The following STXBP5 variants were observed in gnomAD, a reference collection of about 807,000 sequenced individuals.
STXBP5 encodes the protein syntaxin-binding protein 5.
In STXBP5, 50 loss-of-function variants were observed where a neutral mutation model predicts 152.4. That is an observed-to-expected ratio of 0.33 (90% CI 0.26 to 0.42). The LOEUF (loss-of-function observed/expected upper bound fraction) is 0.42, where lower values mean the gene tolerates loss of function less well. STXBP5 is among the 10% of genes least tolerant of loss of function. The pLI, the probability that STXBP5 is intolerant of heterozygous loss-of-function variation, is 1.00. For missense variants in STXBP5, 1,167 were observed against 1,388.6 expected (o/e 0.84, Z 2.54); for synonymous variants, 492 against 494.7 (o/e 0.99, Z 0.07).
intron 7 of STXBP5, among the ~76,000 whole-genome samples, chr6:147,276,039 T>C (rs949433127): frequency 2.0e-5 from 3 of 152,190 alleles, no homozygotes; most frequent in Admixed American, 6.5e-5. Context: ...ATTTTGAGCA[T>C]GTGTCAGATT....
At chr6:147,301,427 C>CT (rs1781808732) in intron 9 of STXBP5, among the ~76,000 whole-genome samples, 1 of 152,154 alleles carries the variant, frequency 6.6e-6, no homozygotes, top group Admixed American at 6.5e-5. Context: ...GTAATTTCAT[C>CT]TAATGAGTAA....
rs544111407 is a variant in STXBP5, at chr6:147,224,719, CAG to C, written c.249-10530_249-10529del. 5.9e-5 allele frequency among the ~76,000 whole-genome samples: 9 copies of C among 152,258 alleles called. No homozygotes were observed. The South Asian group carries it at 1.9e-3, about 32-fold the overall frequency. On this transcript the variant is annotated intron_variant, in intron 2 of 27. Transcript: ENST00000321680. ...ATTGACTTTCATTTATCCCCCATAA[CAG>C]TGTGGATGAAGAAATCAAAGGTTTC...
intron 18 of STXBP5, among the ~76,000 whole-genome samples, chr6:147,331,134 A>G (rs180930646): frequency 1.5e-4 from 23 of 152,292 alleles, no homozygotes; most frequent in Admixed American, 1.2e-3. Flanking sequence ...ACATAGGATT[A>G]TGTTTTGTTG....
At chr6:147,218,036 T>C (rs1053606964) in intron 2 of STXBP5, among the ~76,000 whole-genome samples, 1 of 152,190 alleles carries the variant, frequency 6.6e-6, no homozygotes, top group Admixed American at 6.5e-5. Flanking sequence ...TTAATATATT[T>C]TCTAAATAGA....
rs1010729145 is a variant in STXBP5, at chr6:147,316,229, A to G, written c.1624A>G (p.Met542Val). 20 of 1,613,688 alleles carry G rather than the reference A, an allele frequency of 1.2e-5. No homozygotes were observed. Among genetic ancestry groups the G allele is most frequent in the Non-Finnish European group, 1.7e-5 (20 of 1,179,828 alleles). The stretch of plus-strand genomic sequence containing the variant: ...GTAAACTACCTTACTTTTACAACAG[A>G]TGCTTGAAGTTCGATTATTATATGA... ...KQEVITEVIP[M>V]LEVRLLYEIN... The change falls in exon 16 of 28, where the codon ATG (methionine) becomes GTG (valine). Residue 542 changes from methionine to valine, a missense_variant and splice_region_variant. This residue lies in a region of STXBP5 where 833 missense variants were observed against 986.3 expected (regional missense o/e 0.84). Transcript: ENST00000321680.
At chr6:147,301,785 T>A (rs1258711208) in intron 9 of STXBP5, among the ~76,000 whole-genome samples, 2 of 152,212 alleles carry the variant, frequency 1.3e-5, no homozygotes, top group African/African-American at 4.8e-5. Context: ...AATAAACTAG[T>A]GGATAATTCT....
chr6:147,342,195 T>C (rs577442733), intron 21 of STXBP5, among the ~76,000 whole-genome samples: 2 of 152,194 alleles, frequency 1.3e-5, no homozygotes, highest in African/African-American at 4.8e-5. Context: ...AAGTTCTGTG[T>C]TAGAGCCAGA....
chr6:147,351,862 CTT>C lies in STXBP5; in HGVS notation c.2255-1459_2255-1458del, dbSNP rs1027549532. ...GGAAGTCATGTATGACTGGATTTCT[CTT>C]TGTTTACATGGCGCCCTTATGGACT... On this transcript the variant is annotated intron_variant, in intron 21 of 27. Transcript: ENST00000321680. 2.2e-4 allele frequency: 216 copies of C among 985,384 alleles called. 1 individual carries two copies. The highest frequency in any genetic ancestry group is 5.5e-4 in the Admixed American group (9 of 16,276). 61.0% of individuals were successfully genotyped at this position (985,384 alleles called of 1,614,324 possible).
intron 26 of STXBP5, among the ~76,000 whole-genome samples, chr6:147,376,273 G>A (rs1312633041): frequency 6.6e-6 from 1 of 152,150 alleles, no homozygotes; most frequent in Non-Finnish European, 1.5e-5. Context: ...GTATTCATTG[G>A]CATTGATAAG....
intron 4 of STXBP5, among the ~76,000 whole-genome samples, chr6:147,251,098 C>A (rs1235867093): frequency 6.6e-6 from 1 of 152,014 alleles, no homozygotes; most frequent in African/African-American, 2.4e-5. Flanking sequence ...CAGCTCATCT[C>A]ATTGGGATTG....
At chr6:147,302,120 T>C (rs920908471) in intron 9 of STXBP5, among the ~76,000 whole-genome samples, 3 of 152,218 alleles carry the variant, frequency 2.0e-5, no homozygotes, top group Non-Finnish European at 4.4e-5. Context: ...TCCCTATATT[T>C]GTTTTTTAAT....
chr6:147,365,994 T>C (rs941587390), intron 25 of STXBP5, among the ~76,000 whole-genome samples: 1 of 152,128 alleles, frequency 6.6e-6, no homozygotes, highest in Non-Finnish European at 1.5e-5. Context: ...AGGAAAGTAA[T>C]TTCTGACAGA....
chr6:147,339,380 T>C lies in STXBP5; in HGVS notation c.2250T>C (p.Asp750=). The C allele has an allele frequency of 1.3e-6, 2 of 1,494,140 alleles. No homozygotes were observed. The highest frequency in any genetic ancestry group is 2.0e-4 in the Middle Eastern group (1 of 5,018). The allele number at this position is 1,494,140 out of a possible 1,614,324, so 92.6% of individuals were successfully genotyped here. ...SRKFSKMVAN[D]IAKMSRKLSL... is the part of the protein sequence containing the mutation. ...AGTTTTCCAAGATGGTAGCCAATGATATAGGTAGGAAATAGAAATTTCTAT... is the reference window on the plus strand; with the variant it reads ...AGTTTTCCAAGATGGTAGCCAATGACATAGGTAGGAAATAGAAATTTCTAT... The change falls in exon 21 of 28, where the codon GAT becomes GAC. Residue 750 remains aspartate (D), a synonymous_variant. Transcript: ENST00000321680.
chr6:147,353,263 G>A, intron 21 of STXBP5, 60 bp from the exon 22 acceptor site: 1 of 1,059,726 alleles, frequency 9.4e-7, no homozygotes, highest in Non-Finnish European at 1.3e-6. Context: ...TTGAAAATCA[G>A]TTGATATTAG....
intron 21 of STXBP5, among the ~76,000 whole-genome samples, chr6:147,346,724 G>C (rs1784352471): frequency 6.6e-6 from 1 of 151,884 alleles, no homozygotes; most frequent in Non-Finnish European, 1.5e-5. Flanking sequence ...TGGGTGACAG[G>C]GTGAGTCTCC....
intron 4 of STXBP5, among the ~76,000 whole-genome samples, chr6:147,260,336 A>G (rs1301736901): frequency 5.3e-5 from 8 of 152,138 alleles, no homozygotes; most frequent in Non-Finnish European, 8.8e-5. Flanking sequence ...GGTATGCCCA[A>G]GGTTACGCAG....
chr6:147,258,075 G>A (rs1023983999), intron 4 of STXBP5, among the ~76,000 whole-genome samples: 2 of 152,158 alleles, frequency 1.3e-5, no homozygotes, highest in African/African-American at 4.8e-5. Flanking sequence ...CATTAAAAAA[G>A]AGACCAAGCC....
At chr6:147,214,379 T>C (rs1386767542) in intron 2 of STXBP5, among the ~76,000 whole-genome samples, 1 of 152,188 alleles carries the variant, frequency 6.6e-6, no homozygotes, top group African/African-American at 2.4e-5. Context: ...ACCATGTAAC[T>C]TATCTTTTTT....
At chr6:147,215,977 T>G (rs1777145020) in intron 2 of STXBP5, among the ~76,000 whole-genome samples, 1 of 152,204 alleles carries the variant, frequency 6.6e-6, no homozygotes, top group Admixed American at 6.5e-5. Context: ...TTTAGATAGA[T>G]GCCTTTAAAG....
Sources: gnomAD v4.1 joint callset for allele counts (sites outside exome capture counted in the v4.1 genomes callset) on GRCh38, gnomAD v4.1.1 for gene constraint, gnomAD v4.1.1 regional missense constraint, MANE v1.5 for transcripts, NCBI Gene and HGNC (gene_info 2026-07-23, HGNC 2026-07-21) for gene names.